The following NMRK2 variants were observed in gnomAD, a reference collection of about 807,000 sequenced individuals.
NMRK2 encodes the protein nicotinamide riboside kinase 2.
A neutral mutation model predicts 24.7 loss-of-function variants in NMRK2; 34 were observed. The ratio of observed to expected loss-of-function variants is 1.37; its 90% CI spans 1.05 to 1.83. The LOEUF is 1.83. Ranked by LOEUF, NMRK2 falls within the 40% of genes most tolerant of loss-of-function variation. The probability of loss-of-function intolerance (pLI) is 0.00; values close to 1 mark genes in which losing one functional copy is unlikely to be tolerated. For synonymous variants in NMRK2, 145 were observed against 125.6 expected (o/e 1.15, Z -1.03); for missense variants, 341 against 315.0 (o/e 1.08, Z -0.62).
rs926708393 is a variant in NMRK2, at chr19:3,937,089, T to C, written c.118-151T>C. 11 of 701,622 alleles carry C rather than the reference T, an allele frequency of 1.6e-5. No individual in the cohort carries two copies. In the Middle Eastern group the frequency reaches 8.0e-4, roughly 51 times the overall value. The allele number at this position is 701,622 out of a possible 1,614,324, so 43.5% of individuals were successfully genotyped here. A position where few individuals can be genotyped will look rare whatever the true frequency, so the allele number is the denominator to read the frequency against. ...GGGTGAGGGCTAATGAGATGATTGA[T>C]GGTCTGGGGAAAATCTGAGGGTCAG... On this transcript the variant is annotated intron_variant, in intron 3 of 7. Transcript: ENST00000168977.
rs558440719 is a variant in NMRK2 at position 3,938,015 on chromosome 19, G to A, written c.167-588G>A. On this transcript the variant is annotated intron_variant, in intron 4 of 7. Coordinates refer to ENST00000168977, the MANE Select transcript of NMRK2 (RefSeq NM_170678.3). ...CCCGCTCCCCCTCCACTGTCCCCCC[G>A]GGGTCTGCCCTCCTGCAATACCTGC... Among the ~76,000 whole-genome samples, 135 of 128,438 alleles carry A rather than the reference G, an allele frequency of 1.1e-3. 1 individual carries two copies. Among genetic ancestry groups the A allele is most frequent in the Non-Finnish European group, 1.9e-3 (114 of 60,850 alleles). 84.3% of individuals were successfully genotyped at this position (128,438 alleles called of 152,430 possible).
intron 2 of NMRK2, among the ~76,000 whole-genome samples, chr19:3,935,189 T>C (rs1470078126): frequency 6.6e-6 from 1 of 151,748 alleles, no homozygotes; most frequent in Non-Finnish European, 1.5e-5. Context: ...CTGAGCAACA[T>C]TAGGCATTTT....
intron 6 of NMRK2, among the ~76,000 whole-genome samples, chr19:3,940,207 C>T (rs114399554): frequency 0.014 from 2,022 of 148,278 alleles, 50 homozygotes; most frequent in African/African-American, 0.048. Flanking sequence ...ATTAGTCGGG[C>T]GTAGTGGCGT....
chr19:3,939,133 G>A (rs1382522608), intron 5 of NMRK2, among the ~76,000 whole-genome samples: 1 of 151,678 alleles, frequency 6.6e-6, no homozygotes, highest in African/African-American at 2.4e-5. Flanking sequence ...ACAGGCGTGA[G>A]CCACCACGCC....
At chr19:3,940,335 CAA>C (rs978999079) in intron 6 of NMRK2, among the ~76,000 whole-genome samples, 5 of 31,010 alleles carry the variant, frequency 1.6e-4, no homozygotes, top group South Asian at 1.5e-3. Context: ...GACTCTGTCT[CAA>C]AAAAAAAAAA....
intron 4 of NMRK2, 34 bp downstream of exon 4, chr19:3,937,322 C>T (rs1459824664): frequency 1.3e-6 from 2 of 1,596,242 alleles, no homozygotes; most frequent in Non-Finnish European, 1.7e-6. Flanking sequence ...GCCCCACTAT[C>T]CCCCGGGGTC....
In NMRK2 at chr19:3,933,496, G is replaced by A. The variant is rs973837363; in HGVS notation, c.-176G>A. The A allele has an allele frequency of 1.5e-5, 9 of 602,092 alleles. No homozygotes were observed. Among genetic ancestry groups the A allele is most frequent in the East Asian group, 3.5e-5 (1 of 28,944 alleles). The allele number at this position is 602,092 out of a possible 1,614,324, so 37.3% of individuals were successfully genotyped here. A position where few individuals can be genotyped will look rare whatever the true frequency, so the allele number is the denominator to read the frequency against. The stretch of plus-strand genomic sequence containing the variant: ...CCATTCGGCGGCGGGAACAGGTGCC[G>A]GCGCCTCCGCCCCATCCCCAGGGGC... On this transcript the variant is annotated 5_prime_UTR_variant, in exon 2 of 8. Coordinates refer to ENST00000168977, the MANE Select transcript of NMRK2 (RefSeq NM_170678.3).
intron 6 of NMRK2, 105 bp from the exon 7 acceptor site, chr19:3,940,966 G>C (rs2039320999): frequency 4.2e-6 from 3 of 706,058 alleles, no homozygotes; most frequent in Non-Finnish European, 4.9e-6. Context: ...CCCTTGCTCA[G>C]AGGTTCTGTC....
At chr19:3,941,665 C>A (rs552389857) in intron 7 of NMRK2, among the ~76,000 whole-genome samples, 2 of 151,544 alleles carry the variant, frequency 1.3e-5, no homozygotes, top group Non-Finnish European at 1.5e-5. Context: ...GTTGTTTAGA[C>A]GGAGTCTTGT....
intron 2 of NMRK2, among the ~76,000 whole-genome samples, chr19:3,935,822 C>T (rs184482333): frequency 3.5e-3 from 526 of 152,130 alleles, no homozygotes; most frequent in Middle Eastern, 6.8e-3. Context: ...CCACCTGCTT[C>T]GGCCTCCCAA....
At chr19:3,937,993 G>A (rs2039244727) in intron 4 of NMRK2, among the ~76,000 whole-genome samples, 2 of 122,730 alleles carry the variant, frequency 1.6e-5, no homozygotes, top group Admixed American at 8.5e-5. Flanking sequence ...TGCAATGCCC[G>A]CTCCCCCTCC....
At chr19:3,939,630 C>A (rs1490991300) in intron 5 of NMRK2, among the ~76,000 whole-genome samples, 6 of 152,168 alleles carry the variant, frequency 3.9e-5, no homozygotes, top group Non-Finnish European at 4.4e-5. Flanking sequence ...ACCTAGGCTG[C>A]GCCCTCTGGC....
rs768115503 is a variant in NMRK2, at chr19:3,941,073, C to G, written c.398C>G (p.Thr133Ser). 6.2e-7 allele frequency: 1 copy of G among 1,608,790 alleles called. No individual in the cohort carries two copies. The highest frequency in any genetic ancestry group is 8.5e-7 in the Non-Finnish European group (1 of 1,175,564). ...ATCCTTGCCTTCTCCCTCTGCAGTA[C>G]CCGCAACTACACAGTCCCTGATCCC... ...PYEECKWRRS[T>S]RNYTVPDPPG... The change falls in exon 7 of 8, where the codon ACC becomes AGC. Residue 133 changes from threonine to serine, a missense_variant and splice_region_variant. Transcript: ENST00000168977.
chr19:3,937,771 T>C lies in NMRK2; in HGVS notation c.166+483T>C. On this transcript the variant is annotated intron_variant, in intron 4 of 7. Transcript: ENST00000168977. ...GCCCTCCTGCAATACCCGCTCCCCGTCCACTGTCCCCCCGGGGTCCGCCCT... is the reference window on the plus strand; with the variant it reads ...GCCCTCCTGCAATACCCGCTCCCCGCCCACTGTCCCCCCGGGGTCCGCCCT... 2.0e-5 allele frequency among the ~76,000 whole-genome samples: 2 copies of C among 100,640 alleles called. 1 individual carries two copies. Among genetic ancestry groups the C allele is most frequent in the African/African-American group, 7.9e-5 (2 of 25,376 alleles). 66.0% of individuals were successfully genotyped at this position (100,640 alleles called of 152,430 possible). A position where few individuals can be genotyped will look rare whatever the true frequency, so the allele number is the denominator to read the frequency against.
At position 3,942,220 on chromosome 19, in the gene NMRK2, G is replaced by A. The variant is rs201693415; in HGVS notation, c.640G>A (p.Gly214Arg). 13 of 1,612,708 alleles carry A rather than the reference G, an allele frequency of 8.1e-6. No homozygotes were observed. Among genetic ancestry groups the A allele is most frequent in the East Asian group, 6.7e-5 (3 of 44,860 alleles). The change falls in exon 8 of 8, where the codon GGA becomes AGA. Residue 214 changes from glycine to arginine, a missense_variant. Gly to Arg is a moderately radical substitution (Grantham distance 125). Coordinates refer to ENST00000168977, the MANE Select transcript of NMRK2 (RefSeq NM_170678.3). ...RPARTQGPGR[G>R]CGHRTARPAA... ...AGCCAGGACACAGGGACCCGGACGC[G>A]GATGCGGCCACAGAACGGCCAGGCC... is the stretch of plus-strand genomic sequence containing the variant.
intron 2 of NMRK2, among the ~76,000 whole-genome samples, chr19:3,936,182 G>A (rs2039209429): frequency 9.1e-6 from 1 of 109,876 alleles, no homozygotes; most frequent in Non-Finnish European, 2.1e-5. Context: ...TTGTACTCCA[G>A]CCTGGGCAAC....
At chr19:3,941,019 C>A in intron 6 of NMRK2, 52 bp from the exon 7 acceptor site, 1 of 1,243,114 alleles carries the variant, frequency 8.0e-7, no homozygotes, top group South Asian at 1.3e-5. Flanking sequence ...GGGGTATATT[C>A]TTAGCATCAC....
At chr19:3,941,940 C>A (rs2058432158) in intron 7 of NMRK2, 143 bp from the exon 8 acceptor site, 2 of 647,442 alleles carry the variant, frequency 3.1e-6, no homozygotes, top group African/African-American at 1.8e-5. Flanking sequence ...CGCGCCCGGC[C>A]CCCTCTTGCT....
chr19:3,934,435 C>G (rs1396354753), intron 2 of NMRK2, among the ~76,000 whole-genome samples: 2 of 152,154 alleles, frequency 1.3e-5, no homozygotes. Flanking sequence ...GAGATTCAAA[C>G]TCTCTGTAAC....
Sources: gnomAD v4.1 joint callset for allele counts (sites outside exome capture counted in the v4.1 genomes callset) on GRCh38, gnomAD v4.1.1 for gene constraint, MANE v1.5 for transcripts, NCBI Gene and HGNC (gene_info 2026-07-23, HGNC 2026-07-21) for gene names.